PRKN: variants seen among roughly 807,000 people sequenced by gnomAD.
The protein encoded by PRKN is parkin RBR E3 ubiquitin protein ligase, also known as E3 ubiquitin-protein ligase parkin.
In PRKN, 56 loss-of-function variants were observed where a neutral mutation model predicts 59.5. That is an observed-to-expected ratio of 0.94 (90% confidence interval 0.76 to 1.18). The LOEUF (loss-of-function observed/expected upper bound fraction) is 1.18, where lower values mean the gene tolerates loss of function less well. PRKN is among the 50% of genes most tolerant of loss of function. The pLI is 0.00. For synonymous variants in PRKN, 250 were observed against 222.1 expected (o/e 1.13, Z -1.12); for missense variants, 657 against 596.4 (o/e 1.10, Z -1.06).
At position 162,500,234 on chromosome 6, in the gene PRKN, T is replaced by C. The variant is rs986611334; in HGVS notation, c.8-56761A>G. Among the ~76,000 whole-genome samples the C allele has an allele frequency of 4.6e-5, 7 of 151,120 alleles. No homozygotes were observed. The East Asian group carries it at 9.8e-4, about 21-fold the overall frequency. On this transcript the variant is annotated intron_variant, in intron 1 of 11. Transcript: ENST00000366898. ...GTTACCCAGGCTGGAGTGCAGTGCATGATATCGGCTCACTGCAACCTCCAC... is the reference window on the plus strand; with the variant it reads ...GTTACCCAGGCTGGAGTGCAGTGCACGATATCGGCTCACTGCAACCTCCAC...
At chr6:162,200,061 T>C (rs1323644119) in intron 4 of PRKN, among the ~76,000 whole-genome samples, 1 of 152,178 alleles carries the variant, frequency 6.6e-6, no homozygotes, top group Non-Finnish European at 1.5e-5. Context: ...ACAATTTTGC[T>C]GTGGTTTCCG....
At chr6:161,812,301 G>T (rs1055976631) in intron 6 of PRKN, among the ~76,000 whole-genome samples, 1 of 152,114 alleles carries the variant, frequency 6.6e-6, no homozygotes, top group Non-Finnish European at 1.5e-5. Flanking sequence ...GCTAAGGCAG[G>T]GGGTGGGAGT....
At chr6:162,070,510 A>C (rs1195870853) in intron 4 of PRKN, among the ~76,000 whole-genome samples, 7 of 152,154 alleles carry the variant, frequency 4.6e-5, no homozygotes, top group Non-Finnish European at 8.8e-5. Context: ...TGGATGCTGA[A>C]TATAAGCTGA....
At chr6:161,500,880 T>TTTG (rs1161807941) in intron 9 of PRKN, among the ~76,000 whole-genome samples, 1 of 147,392 alleles carries the variant, frequency 6.8e-6, no homozygotes, top group African/African-American at 2.5e-5. Context: ...TTTTTTCTTT[T>TTTG]TTTTTTTTTT....
At chr6:161,820,979 C>T (rs1261874638) in intron 6 of PRKN, among the ~76,000 whole-genome samples, 2 of 151,954 alleles carry the variant, frequency 1.3e-5, no homozygotes, top group African/African-American at 4.8e-5. Context: ...TCTATACTAT[C>T]TTATGAATAT....
At chr6:162,430,870 T>G (rs775020009) in intron 2 of PRKN, among the ~76,000 whole-genome samples, 2 of 152,108 alleles carry the variant, frequency 1.3e-5, no homozygotes, top group Non-Finnish European at 2.9e-5. Context: ...TCGTCAAGTA[T>G]CTGAGAAAGT....
intron 5 of PRKN, among the ~76,000 whole-genome samples, chr6:162,041,582 C>T (rs1009482116): frequency 6.6e-6 from 1 of 152,092 alleles, no homozygotes; most frequent in African/African-American, 2.4e-5. Flanking sequence ...TTTAGCTTTG[C>T]TTTGTTTTTT....
chr6:161,570,501 C>CCCT (rs1230875721), intron 7 of PRKN, among the ~76,000 whole-genome samples: 3 of 150,868 alleles, frequency 2.0e-5, no homozygotes, highest in Non-Finnish European at 4.4e-5. Flanking sequence ...CAACCCTTCC[C>CCCT]CCTCCTCCTC....
intron 6 of PRKN, among the ~76,000 whole-genome samples, chr6:161,923,068 G>A (rs943122867): frequency 6.6e-6 from 1 of 152,220 alleles, no homozygotes; most frequent in African/African-American, 2.4e-5. Context: ...CCTCCCATGT[G>A]GCCTCCCTGT....
rs546424270 is a variant in PRKN, at chr6:161,566,153, A to C, written c.933+3202T>G. ...CTTCAGCTAAGTTCCCAGTTGCCAA[A>C]ATTAAAATGTATGTATTTGCAGTCT... On this transcript the variant is annotated intron_variant, in intron 8 of 11. Transcript: ENST00000366898. The surrounding 1 kb of genome is among the most constrained non-coding windows in gnomAD (Gnocchi z 4.1). Among the ~76,000 whole-genome samples, 58 of 152,252 alleles carry C rather than the reference A, an allele frequency of 3.8e-4. No individual in the cohort carries two copies. Among genetic ancestry groups the C allele is most frequent in the Admixed American group, 9.2e-4 (14 of 15,296 alleles).
chr6:161,779,440 C>CTTTT lies in PRKN; in HGVS notation c.871+6328_871+6331dup, dbSNP rs10683923. 1.4e-4 allele frequency among the ~76,000 whole-genome samples: 6 copies of CTTTT among 41,836 alleles called. 2 individuals are homozygous for CTTTT. Among genetic ancestry groups the CTTTT allele is most frequent in the Admixed American group, 5.4e-4 (1 of 1,864 alleles). The allele number at this position is 41,836 out of a possible 152,430, so 27.4% of individuals were successfully genotyped here. A position where few individuals can be genotyped will look rare whatever the true frequency, so the allele number is the denominator to read the frequency against. Reference sequence around the variant, plus strand: ...TTTTTTTCTCTTTTTCTTTTCTTTTCTTTTTTTTTTTTTTTTTTTTTTGAG... The same window carrying CTTTT: ...TTTTTTTCTCTTTTTCTTTTCTTTTCTTTTTTTTTTTTTTTTTTTTTTTTTTGAG... On this transcript the variant is annotated intron_variant, in intron 7 of 11. Transcript: ENST00000366898.
chr6:162,495,166 C>A (rs1348459857), intron 1 of PRKN, among the ~76,000 whole-genome samples: 5 of 152,188 alleles, frequency 3.3e-5, no homozygotes, highest in Non-Finnish European at 4.4e-5. Flanking sequence ...TCTTTCAGCT[C>A]TTACTAATGA....
intron 2 of PRKN, among the ~76,000 whole-genome samples, chr6:162,279,252 C>T (rs1780773130): frequency 2.0e-5 from 3 of 151,798 alleles, no homozygotes; most frequent in Admixed American, 6.6e-5. Flanking sequence ...GCAAGAGAAT[C>T]GCTTGAACCT....
rs376112014 is a variant in PRKN at position 161,369,547 on chromosome 6, G to A, written c.1168-9342C>T. 3.9e-5 allele frequency among the ~76,000 whole-genome samples: 6 copies of A among 152,122 alleles called. 1 individual carries two copies. Among genetic ancestry groups the A allele is most frequent in the Admixed American group, 3.3e-4 (5 of 15,268 alleles). On this transcript the variant is annotated intron_variant, in intron 10 of 11. Transcript: ENST00000366898. This position sits in a 1 kb window ranked among gnomAD's most constrained non-coding sequence, Gnocchi z 5.8. Reference sequence around the variant, plus strand: ...TTGTTGTGATTCAGCATCACCGCCCGATTGTGCAATAAAGTGTGGCTCTCA... The same window carrying A: ...TTGTTGTGATTCAGCATCACCGCCCAATTGTGCAATAAAGTGTGGCTCTCA...
intron 6 of PRKN, among the ~76,000 whole-genome samples, chr6:161,831,353 T>C (rs1792491456): frequency 6.6e-6 from 1 of 152,210 alleles, no homozygotes; most frequent in African/African-American, 2.4e-5. Context: ...ACATGTGACA[T>C]GTCAGCTGCT....
At chr6:161,943,617 C>G (rs1379418728) in intron 6 of PRKN, among the ~76,000 whole-genome samples, 1 of 152,154 alleles carries the variant, frequency 6.6e-6, no homozygotes, top group Non-Finnish European at 1.5e-5. Flanking sequence ...AAGGAAGCAG[C>G]CTGAGGGATC....
At chr6:161,808,915 G>A (rs991031439) in intron 6 of PRKN, among the ~76,000 whole-genome samples, 7 of 152,036 alleles carry the variant, frequency 4.6e-5, no homozygotes, top group Admixed American at 2.6e-4. Context: ...ATCACAGTTC[G>A]CTGTAGCCTC....
intron 1 of PRKN, among the ~76,000 whole-genome samples, chr6:162,676,512 T>C (rs549259739): frequency 6.6e-6 from 1 of 152,212 alleles, no homozygotes; most frequent in South Asian, 2.1e-4. Flanking sequence ...GTCAATAACA[T>C]AGATTTCTGA....
At chr6:161,878,370 G>A (rs542879320) in intron 6 of PRKN, among the ~76,000 whole-genome samples, 2 of 151,932 alleles carry the variant, frequency 1.3e-5, no homozygotes, top group African/African-American at 4.8e-5. Flanking sequence ...TGCTTTAAGC[G>A]CCCCAGAAAC....
Sources: allele counts gnomAD v4.1 joint callset (sites outside exome capture counted in the v4.1 genomes callset), GRCh38; gene constraint gnomAD v4.1.1; non-coding constraint Gnocchi (gnomAD v3.1); transcripts MANE v1.5; gene names NCBI Gene and HGNC (gene_info 2026-07-23, HGNC 2026-07-21).